The following KNL1 variants were observed in gnomAD, a reference collection of about 807,000 sequenced individuals.
KNL1 encodes the protein kinetochore scaffold 1.
In KNL1, 66 loss-of-function variants were observed where a neutral mutation model predicts 201.3. The ratio of observed to expected loss-of-function variants is 0.33; its 90% confidence interval spans 0.27 to 0.40. The LOEUF is 0.40. Among genes scored for constraint, KNL1 ranks in the 10% least tolerant of loss-of-function variants. The pLI is 1.00. For synonymous variants in KNL1, 895 were observed against 899.2 expected (o/e 1.00, Z 0.08); for missense variants, 2,815 against 2,690.5 (o/e 1.05, Z -1.02).
intron 6 of KNL1, chr15:40,610,813 G>C (rs1263591920): frequency 2.2e-6 from 1 of 455,396 alleles, no homozygotes; most frequent in Non-Finnish European, 4.4e-6. Context: ...CAGTGCAATG[G>C]TGCCATCTCA....
At chr15:40,620,614 T>A (rs1216646440) in intron 9 of KNL1, 26 bp from the exon 10 acceptor site, 22 of 1,447,044 alleles carry the variant, frequency 1.5e-5, no homozygotes, top group Non-Finnish European at 2.0e-5. Context: ...TTTGTTCTGA[T>A]CTCTTATATT....
At chr15:40,597,836 T>C (rs1399642031) in intron 1 of KNL1, among the ~76,000 whole-genome samples, 2 of 152,196 alleles carry the variant, frequency 1.3e-5, no homozygotes, top group African/African-American at 4.8e-5. Context: ...CTTGAGTTGA[T>C]AGTAGTTATT....
chr15:40,656,670 G>T (rs1191729571), intron 22 of KNL1, among the ~76,000 whole-genome samples: 3 of 152,172 alleles, frequency 2.0e-5, no homozygotes, highest in Non-Finnish European at 4.4e-5. Flanking sequence ...TGGATTACCT[G>T]ACATCAGGAG....
chr15:40,614,375 G>A (rs1892274531), intron 7 of KNL1, among the ~76,000 whole-genome samples: 2 of 152,174 alleles, frequency 1.3e-5, no homozygotes, highest in African/African-American at 4.8e-5. Flanking sequence ...TGGGATTTTA[G>A]GCATGAGCCA....
chr15:40,628,527 T>C (rs149541775), intron 11 of KNL1, 84 bp from the exon 12 acceptor site: 23 of 968,408 alleles, frequency 2.4e-5, no homozygotes, highest in Non-Finnish European at 3.4e-5. Flanking sequence ...AGCTTCAGGA[T>C]CAGAAACAAT....
chr15:40,662,277 AT>A lies in KNL1; in HGVS notation c.*91del. ...GCTGTTCAGCCTTTGTTTTTACGTC[AT>A]TACAAGCTGAGTAAAATTCCTTCTG... On this transcript the variant is annotated 3_prime_UTR_variant, in exon 26 of 26. Coordinates refer to ENST00000399668, the MANE Select transcript of KNL1 (RefSeq NM_144508.5). 1 of 739,174 alleles carries A rather than the reference AT, an allele frequency of 1.4e-6. No homozygotes were observed. The highest frequency in any genetic ancestry group is 2.4e-6 in the Non-Finnish European group (1 of 419,574). The allele number at this position is 739,174 out of a possible 1,614,324, so 45.8% of individuals were successfully genotyped here.
chr15:40,605,240 T>C, intron 3 of KNL1, 91 bp downstream of exon 3: 1 of 714,576 alleles, frequency 1.4e-6, no homozygotes, highest in South Asian at 1.7e-5. Context: ...TTCACCATCC[T>C]ACCCTTACTG....
At chr15:40,606,342 T>G in intron 3 of KNL1, 51 bp from the exon 4 acceptor site, 2 of 1,103,910 alleles carry the variant, frequency 1.8e-6, no homozygotes, top group Non-Finnish European at 1.4e-6. Flanking sequence ...ATAAACTGAT[T>G]CTTAATAGAT....
Position 40,621,467 on chromosome 15 carries a change from T to C in KNL1, c.1203T>C (p.Thr401=), listed in dbSNP as rs983035581. The change falls in exon 10 of 26, where the codon ACT becomes ACC. Residue 401 remains threonine (T), a synonymous_variant. Coordinates refer to ENST00000399668, the MANE Select transcript of KNL1 (RefSeq NM_144508.5). The part of the protein sequence containing the change: ...MGAETHIVSQ[T]CNQDARILAM... ...CAGAAACTCACATAGTCTCACAGAC[T>C]TGTAATCAGGATGCCAGAATATTAG... is the stretch of plus-strand genomic sequence containing the variant. 1 of 1,613,844 alleles carries C rather than the reference T, an allele frequency of 6.2e-7. No individual in the cohort carries two copies. The highest frequency in any genetic ancestry group is 1.7e-5 in the Admixed American group (1 of 60,002).
At chr15:40,630,891 A>G (rs1045535574) in intron 13 of KNL1, among the ~76,000 whole-genome samples, 3 of 152,076 alleles carry the variant, frequency 2.0e-5, no homozygotes, top group African/African-American at 7.2e-5. Context: ...AGGCCCAGGC[A>G]GACAGATCGC....
rs1892304108 is a variant in KNL1 at position 40,615,363 on chromosome 15, T to G, written c.307T>G (p.Tyr103Asp). Residue 103 changes from tyrosine (Y) to aspartate (D), a missense_variant, in exon 8 of 26, where the codon TAC becomes GAC. This residue lies in a region of KNL1 where 2,464 missense variants were observed against 2,291.7 expected (regional missense o/e 1.08). Coordinates refer to ENST00000399668, the MANE Select transcript of KNL1 (RefSeq NM_144508.5). ...TAGGAATAAGAAATTAGAAGATAAT[T>G]ACTGTGAAATTACTGGTGAGTATGA... ...LIQNKKLEDN[Y>D]CEITGMNTLL... 1.4e-6 allele frequency: 1 copy of G among 707,512 alleles called. No individual in the cohort carries two copies. Among genetic ancestry groups the G allele is most frequent in the South Asian group, 1.6e-5 (1 of 61,482 alleles). The allele number at this position is 707,512 out of a possible 1,614,324, so 43.8% of individuals were successfully genotyped here.
chr15:40,659,258 C>T (rs1373116427), intron 24 of KNL1, 81 bp from the exon 25 acceptor site: 87 of 1,256,852 alleles, frequency 6.9e-5, no homozygotes, highest in Admixed American at 8.5e-5. Context: ...AGCAAGACTC[C>T]GTCTCAAAAA....
chr15:40,620,854 A>C lies in KNL1; in HGVS notation c.590A>C (p.Lys197Thr), dbSNP rs746673097. The change falls in exon 10 of 26, where the codon AAA (lysine) becomes ACA (threonine). Residue 197 changes from lysine (K) to threonine (T), a missense_variant. Transcript: ENST00000399668. Reference sequence around the variant, plus strand: ...CACACCGAGGACTCAAGAATGAAAAAAGAAGTAAATTTTTCCGTGGATCAA... The same window carrying C: ...CACACCGAGGACTCAAGAATGAAAACAGAAGTAAATTTTTCCGTGGATCAA... ...KLHTEDSRMK[K>T]EVNFSVDQNT... 1 of 1,595,954 alleles carries C rather than the reference A, an allele frequency of 6.3e-7. No homozygotes were observed. The highest frequency in any genetic ancestry group is 1.1e-5 in the South Asian group (1 of 88,468).
chr15:40,650,775 A>C (rs1267756481), intron 19 of KNL1, among the ~76,000 whole-genome samples, 192 bp downstream of exon 19: 5 of 152,196 alleles, frequency 3.3e-5, no homozygotes, highest in African/African-American at 1.2e-4. Context: ...TATTGTTTAC[A>C]GGGCATTTAT....
Position 40,622,978 on chromosome 15 carries a change from T to A in KNL1, c.2714T>A (p.Ile905Asn), listed in dbSNP as rs1232079493. ...CCATTGGCAGGAACTTCTGAAACTA[T>A]TTTATATACATGTAGGCAGGATGAC... ...LVPLAGTSET[I>N]LYTCRQDDME... Residue 905 changes from isoleucine (I) to asparagine (N), a missense_variant, in exon 10 of 26, where the codon ATT (isoleucine) becomes AAT (asparagine). Ile to Asn is a moderately radical substitution (Grantham distance 149, BLOSUM62 -3). This residue lies in a region of KNL1 where 2,464 missense variants were observed against 2,291.7 expected (regional missense o/e 1.08). Coordinates refer to ENST00000399668, the MANE Select transcript of KNL1 (RefSeq NM_144508.5). 1 of 1,613,920 alleles carries A rather than the reference T, an allele frequency of 6.2e-7. No individual in the cohort carries two copies. Among genetic ancestry groups the A allele is most frequent in the South Asian group, 1.1e-5 (1 of 91,060 alleles).
Position 40,654,933 on chromosome 15 carries a change from G to A in KNL1, c.6440G>A (p.Arg2147His), listed in dbSNP as rs772819326. ...SVVGFPFLDK[R>H]YRKIVDVNFQ... is the part of the protein sequence containing the mutation. ...GTTGGTTTCCCTTTCCTGGACAAGC[G>A]TTATAGGAAGATTGTTGATGTCAAT... The change falls in exon 22 of 26, where the codon CGT becomes CAT. Residue 2147 changes from arginine (R) to histidine (H), a missense_variant. By Grantham distance (29) the Arg-to-His change is conservative (BLOSUM62 0). Coordinates refer to ENST00000399668, the MANE Select transcript of KNL1 (RefSeq NM_144508.5). 9.9e-6 allele frequency: 16 copies of A among 1,612,664 alleles called. No homozygotes were observed. Among genetic ancestry groups the A allele is most frequent in the East Asian group, 4.5e-5 (2 of 44,886 alleles).
chr15:40,618,930 G>T, intron 8 of KNL1, 29 bp from the exon 9 acceptor site: 1 of 1,498,812 alleles, frequency 6.7e-7, no homozygotes, highest in South Asian at 1.2e-5. Context: ...TATATTTTCT[G>T]ACTACAGTTT....
intron 14 of KNL1, chr15:40,642,796 T>A (rs1893269682): frequency 6.6e-6 from 1 of 152,120 alleles, no homozygotes; most frequent in Non-Finnish European, 1.5e-5. Context: ...CCAGGCTAAT[T>A]TTTGTATTTT....
intron 6 of KNL1, chr15:40,610,974 C>A (rs1178774825): frequency 2.0e-5 from 7 of 352,886 alleles, no homozygotes; most frequent in South Asian, 1.2e-4. Context: ...GGTCTCGAAC[C>A]CCTGGCCTCA....
Sources: allele counts gnomAD v4.1 joint callset (sites outside exome capture counted in the v4.1 genomes callset), GRCh38; gene constraint gnomAD v4.1.1; regional missense constraint gnomAD v4.1.1; transcripts MANE v1.5; gene names NCBI Gene and HGNC (gene_info 2026-07-23, HGNC 2026-07-21).